Variants in FRMD3 observed in about 807,000 individuals in gnomAD.
The protein encoded by FRMD3 is FERM domain containing 3, also known as FERM domain-containing protein 3.
A neutral mutation model predicts 70.2 loss-of-function variants in FRMD3; 33 were observed. The observed-to-expected ratio is 0.47, with a 90% CI of 0.36 to 0.63. The LOEUF (loss-of-function observed/expected upper bound fraction) is 0.63. FRMD3 is among the 20% of genes least tolerant of loss of function. The probability of loss-of-function intolerance (pLI) is 0.00; values close to 1 mark genes in which losing one functional copy is unlikely to be tolerated. For synonymous variants in FRMD3, 279 were observed against 255.9 expected (o/e 1.09, Z -0.86); for missense variants, 632 against 711.4 (o/e 0.89, Z 1.27).
the FRMD3 span, among the ~76,000 whole-genome samples, chr9:83,559,374 A>G: frequency 6.6e-6 from 1 of 152,234 alleles, no homozygotes; most frequent in Non-Finnish European, 1.5e-5. Context: ...ATTGTTTTTT[A>G]AACATAATGT....
intron 13 of FRMD3, among the ~76,000 whole-genome samples, chr9:83,250,940 T>A (rs1175406652): frequency 6.6e-6 from 1 of 152,160 alleles, no homozygotes; most frequent in East Asian, 1.9e-4. Flanking sequence ...GTCTGCCTGC[T>A]TTGGAAACAG....
chr9:83,562,055 G>A, the FRMD3 span, among the ~76,000 whole-genome samples: 1 of 152,186 alleles, frequency 6.6e-6, no homozygotes, highest in Non-Finnish European at 1.5e-5. Context: ...GGAGAATAAA[G>A]GAATAATGAG....
chr9:83,322,318 A>G (rs1835832318), intron 6 of FRMD3, among the ~76,000 whole-genome samples: 1 of 152,034 alleles, frequency 6.6e-6, no homozygotes, highest in Admixed American at 6.6e-5. Flanking sequence ...TTAAACTCTC[A>G]AAATGATGCC....
chr9:83,368,319 T>TTTTGA (rs1824855827), intron 3 of FRMD3, among the ~76,000 whole-genome samples: 1 of 149,718 alleles, frequency 6.7e-6, no homozygotes, highest in East Asian at 1.9e-4. Context: ...GTTAATATAT[T>TTTTGA]TTTTATTTTA....
chr9:83,266,955 A>G, intron 13 of FRMD3: 1 of 1,511,386 alleles, frequency 6.6e-7, no homozygotes, highest in Non-Finnish European at 9.0e-7. Context: ...AGTGAGCAGG[A>G]AGCTGGAAGC....
rs765385872 is a variant in FRMD3, at chr9:83,248,181, T to G, written c.1531A>C (p.Ser511Arg). ...ATATGGCCAGTCAGAATGTCATAGCTCCACGACAAAGCACGGCGAGCCTCC... is the reference window on the plus strand; with the variant it reads ...ATATGGCCAGTCAGAATGTCATAGCGCCACGACAAAGCACGGCGAGCCTCC... ...LKEARRALSWSYDILTGHIRV... is the reference protein window; with the variant it reads ...LKEARRALSWRYDILTGHIRV... Residue 511 changes from serine (S) to arginine (R), a missense_variant, in exon 14 of 14, where the codon AGC (serine) becomes CGC (arginine). Ser to Arg is a moderately radical substitution (Grantham distance 110). This residue lies in a region of FRMD3 where 418 missense variants were observed against 442.1 expected (regional missense o/e 0.95). Transcript: ENST00000304195. 6.2e-7 allele frequency: 1 copy of G among 1,614,134 alleles called. No homozygotes were observed. Among genetic ancestry groups the G allele is most frequent in the Non-Finnish European group, 8.5e-7 (1 of 1,180,024 alleles).
chr9:83,320,369 C>A (rs1212261737), intron 6 of FRMD3, among the ~76,000 whole-genome samples: 1 of 152,112 alleles, frequency 6.6e-6, no homozygotes, highest in Non-Finnish European at 1.5e-5. Flanking sequence ...TGAAGAGATG[C>A]TGAAGTTTAT....
intron 1 of FRMD3, among the ~76,000 whole-genome samples, chr9:83,438,406 A>AG (rs1587852654): frequency 1.2e-5 from 1 of 82,470 alleles, no homozygotes; most frequent in African/African-American, 7.7e-5. Flanking sequence ...CTCAGAAGAG[A>AG]GTTTTTTTTT....
At chr9:83,387,912 C>T (rs554431396) in intron 2 of FRMD3, among the ~76,000 whole-genome samples, 7 of 152,286 alleles carry the variant, frequency 4.6e-5, no homozygotes, top group African/African-American at 1.4e-4. Context: ...GTTCACACTA[C>T]GCAAACATCT....
intron 1 of FRMD3, among the ~76,000 whole-genome samples, chr9:83,462,776 TAGA>T (rs1181641111): frequency 6.6e-6 from 1 of 152,204 alleles, no homozygotes; most frequent in African/African-American, 2.4e-5. Context: ...AAATAGGGAA[TAGA>T]AGAAGACCAC....
At chr9:83,438,589 AG>A (rs1827207149) in intron 1 of FRMD3, among the ~76,000 whole-genome samples, 1 of 152,076 alleles carries the variant, frequency 6.6e-6, no homozygotes, top group Non-Finnish European at 1.5e-5. Flanking sequence ...TAGTAGAGAC[AG>A]GGTTTCACCA....
At chr9:83,382,975 T>C (rs1277722675) in intron 2 of FRMD3, among the ~76,000 whole-genome samples, 1 of 152,178 alleles carries the variant, frequency 6.6e-6, no homozygotes, top group Non-Finnish European at 1.5e-5. Context: ...CCTGTTCTCT[T>C]TCCTGTACAA....
chr9:83,292,453 C>T (rs11793977), intron 12 of FRMD3, among the ~76,000 whole-genome samples: 6,293 of 152,202 alleles, frequency 0.041, 171 homozygotes, highest in Non-Finnish European at 0.06. Flanking sequence ...AGCCACTACG[C>T]CCAGCCCCAA....
At chr9:83,476,377 C>G (rs948671524) in intron 1 of FRMD3, among the ~76,000 whole-genome samples, 2 of 74,564 alleles carry the variant, frequency 2.7e-5, no homozygotes, top group African/African-American at 6.2e-5. Context: ...GAGCAAGACT[C>G]TCTCTCAAAA....
In FRMD3 at chr9:83,293,581, C is replaced by CT; in HGVS notation, c.1071-2855_1071-2854insA. Among the ~76,000 whole-genome samples, 4 of 152,308 alleles carry CT rather than the reference C, an allele frequency of 2.6e-5. No homozygotes were observed. The South Asian group carries it at 8.3e-4, about 32-fold the overall frequency. On this transcript the variant is annotated intron_variant, in intron 12 of 13. Coordinates refer to ENST00000304195, the MANE Select transcript of FRMD3 (RefSeq NM_174938.6). ...GCTGGAGATACCAAGCATCCTGCTG[C>CT]CCCCAACCCACAACATTGCAATGTC...
intron 6 of FRMD3, among the ~76,000 whole-genome samples, chr9:83,327,391 C>T (rs1050967339): frequency 4.6e-5 from 7 of 152,200 alleles, no homozygotes; most frequent in Admixed American, 1.3e-4. Flanking sequence ...TAGCACTCAG[C>T]GACTGCAGGG....
At chr9:83,414,219 G>A (rs556098136) in intron 1 of FRMD3, among the ~76,000 whole-genome samples, 23 of 152,252 alleles carry the variant, frequency 1.5e-4, no homozygotes, top group Admixed American at 5.9e-4. Flanking sequence ...TTAGATTGGC[G>A]AGATGGTTGC....
At chr9:83,507,720 A>T in intron 1 of FRMD3, among the ~76,000 whole-genome samples, 1 of 105,968 alleles carries the variant, frequency 9.4e-6, no homozygotes, top group South Asian at 3.1e-4. Context: ...ATATATATAT[A>T]TATATATATA....
chr9:83,446,287 C>T (rs72745098), intron 1 of FRMD3, among the ~76,000 whole-genome samples: 13,057 of 152,196 alleles, frequency 0.086, 594 homozygotes, highest in East Asian at 0.14. Context: ...GCCTTCATAC[C>T]ACACAGTCTG....
Sources: gnomAD v4.1 joint callset for allele counts (sites outside exome capture counted in the v4.1 genomes callset) on GRCh38, gnomAD v4.1.1 for gene constraint, gnomAD v4.1.1 regional missense constraint, MANE v1.5 for transcripts, NCBI Gene and HGNC (gene_info 2026-07-23, HGNC 2026-07-21) for gene names.